Variants in PVT1 observed in about 807,000 individuals in gnomAD.
PVT1 encodes CXCR4/PVT1 fusion.
intron 2 of PVT1, among the ~76,000 whole-genome samples, chr8:127,861,799 A>G (rs1316656346): frequency 6.6e-6 from 1 of 152,352 alleles, no homozygotes; most frequent in Non-Finnish European, 1.5e-5. Flanking sequence ...CAGAGCAGGT[A>G]CTGGGCGCAT....
At chr8:127,855,244 G>A (rs1815148571) in intron 2 of PVT1, 2 of 398,722 alleles carry the variant, frequency 5.0e-6, no homozygotes, top group African/African-American at 4.1e-5. Context: ...GATTGAGCCG[G>A]TGAAGCCCTG....
At chr8:127,965,394 G>A (rs147174627) in intron 3 of PVT1, among the ~76,000 whole-genome samples, 32 of 152,248 alleles carry the variant, frequency 2.1e-4, no homozygotes, top group East Asian at 1.9e-3. Flanking sequence ...CCCTCACAGC[G>A]TCAGACAGAG....
At chr8:127,995,260 A>G (rs1365572808) in intron 4 of PVT1, among the ~76,000 whole-genome samples, 4 of 152,168 alleles carry the variant, frequency 2.6e-5, no homozygotes, top group Non-Finnish European at 5.9e-5. Context: ...TTCTGTCTGT[A>G]TCCTGGCTTT....
At chr8:127,894,404 C>T (rs2129811014) in intron 3 of PVT1, among the ~76,000 whole-genome samples, 1 of 152,298 alleles carries the variant, frequency 6.6e-6, no homozygotes, top group South Asian at 2.1e-4. Context: ...TGTGTCTCCT[C>T]CTTATGCATA....
intron 3 of PVT1, among the ~76,000 whole-genome samples, chr8:127,963,778 A>G (rs1318441149): frequency 1.3e-5 from 2 of 152,162 alleles, no homozygotes; most frequent in Non-Finnish European, 2.9e-5. Flanking sequence ...TGGGGTTGGA[A>G]TGGAGGAATG....
At chr8:127,830,864 C>G (rs1490007659) in intron 2 of PVT1, among the ~76,000 whole-genome samples, 1 of 152,096 alleles carries the variant, frequency 6.6e-6, no homozygotes, top group African/African-American at 2.4e-5. Flanking sequence ...CTGGCCTAGC[C>G]TCTTAGCCTA....
chr8:127,910,017 G>A (rs144242171), intron 3 of PVT1, among the ~76,000 whole-genome samples: 12 of 152,190 alleles, frequency 7.9e-5, no homozygotes, highest in Non-Finnish European at 1.6e-4. Context: ...TTTCCAACAT[G>A]GGGCAGAGGC....
At chr8:127,856,047 T>G (rs1412433253) in intron 2 of PVT1, among the ~76,000 whole-genome samples, 1 of 152,260 alleles carries the variant, frequency 6.6e-6, no homozygotes, top group African/African-American at 2.4e-5. Context: ...TTCTTGTGCC[T>G]ACATCTTTAT....
At chr8:127,908,882 C>T (rs916420321) in intron 3 of PVT1, among the ~76,000 whole-genome samples, 1 of 152,150 alleles carries the variant, frequency 6.6e-6, no homozygotes, top group Non-Finnish European at 1.5e-5. Flanking sequence ...GGTCACCCTC[C>T]GCCTCTGTCT....
At chr8:127,817,289 A>C (rs1480514232) in intron 2 of PVT1, among the ~76,000 whole-genome samples, 1 of 150,824 alleles carries the variant, frequency 6.6e-6, no homozygotes, top group Non-Finnish European at 1.5e-5. Context: ...TACTTAGTTC[A>C]TTATGCAATG....
At chr8:127,914,066 A>G (rs1400708202) in intron 3 of PVT1, among the ~76,000 whole-genome samples, 7 of 152,110 alleles carry the variant, frequency 4.6e-5, no homozygotes, top group African/African-American at 7.2e-5. Flanking sequence ...ACTCAAAACC[A>G]AAAAGACAAC....
chr8:128,002,398 G>A (rs1181650958), intron 4 of PVT1, among the ~76,000 whole-genome samples: 1 of 152,186 alleles, frequency 6.6e-6, no homozygotes, highest in Non-Finnish European at 1.5e-5. Flanking sequence ...ATTGGTCAGG[G>A]TGTGTATTAG....
At chr8:127,828,293 A>C (rs565334065) in intron 2 of PVT1, among the ~76,000 whole-genome samples, 12 of 152,262 alleles carry the variant, frequency 7.9e-5, no homozygotes, top group East Asian at 5.8e-4. Flanking sequence ...CCCAGAGTGG[A>C]TGTGACGTTT....
intron 4 of PVT1, among the ~76,000 whole-genome samples, chr8:128,007,213 GA>G (rs1217911597): frequency 5.9e-5 from 9 of 152,276 alleles, no homozygotes; most frequent in African/African-American, 2.2e-4. Context: ...GATGAAATTT[GA>G]ATATCGTCTC....
intron 4 of PVT1, among the ~76,000 whole-genome samples, chr8:128,012,011 G>A (rs890885190): frequency 3.9e-4 from 59 of 152,194 alleles, no homozygotes; most frequent in African/African-American, 1.3e-3. Flanking sequence ...TAGTCTTTGG[G>A]ACTTGTGAGC....
chr8:127,882,861 A>T (rs34231683), intron 2 of PVT1, among the ~76,000 whole-genome samples: 27,727 of 152,134 alleles, frequency 0.18, 2,984 homozygotes, highest in Non-Finnish European at 0.25. Flanking sequence ...CTGATTTCTC[A>T]CTTCTGCTGC....
intron 2 of PVT1, among the ~76,000 whole-genome samples, chr8:127,870,325 C>G (rs1188523350): frequency 6.6e-6 from 1 of 152,086 alleles, no homozygotes; most frequent in East Asian, 1.9e-4. Context: ...CCACCAGATG[C>G]CAGAAAGAGG....
At chr8:127,980,996 C>A (rs1186908972) in intron 3 of PVT1, among the ~76,000 whole-genome samples, 1 of 151,930 alleles carries the variant, frequency 6.6e-6, no homozygotes, top group Admixed American at 6.6e-5. Flanking sequence ...GGGGTTTCAC[C>A]ATGTTGGCCA....
chr8:127,989,476 A>G lies in PVT1; in HGVS notation n.912+185A>G, dbSNP rs558432473. ...CGACCTGGTTCTCAGAGTCTAGTCCACTTATTCATTGTGCCTAGGAAGCTC... is the reference window on the plus strand; with the variant it reads ...CGACCTGGTTCTCAGAGTCTAGTCCGCTTATTCATTGTGCCTAGGAAGCTC... On this transcript the variant is annotated intron_variant and non_coding_transcript_variant, in intron 4 of 10. Transcript: ENST00000651587. Among the ~76,000 whole-genome samples, 4 of 151,912 alleles carry G rather than the reference A, an allele frequency of 2.6e-5. No homozygotes were observed. The South Asian group carries it at 8.4e-4, about 32-fold the overall frequency.
Sources: allele counts gnomAD v4.1 joint callset (sites outside exome capture counted in the v4.1 genomes callset), GRCh38; gene constraint gnomAD v4.1.1; transcripts MANE v1.5; gene names NCBI Gene and HGNC (gene_info 2026-07-23, HGNC 2026-07-21).